Variants in PCDHGA4 observed in about 807,000 individuals in gnomAD.
PCDHGA4 encodes protocadherin gamma-A4.
A neutral mutation model predicts 54.6 loss-of-function variants in PCDHGA4; 38 were observed. The observed-to-expected ratio is 0.70, with a 90% CI of 0.54 to 0.91. The LOEUF is 0.91. PCDHGA4 is among the 40% of genes least tolerant of loss of function. PCDHGA4 has a pLI of 0.00. For synonymous variants in PCDHGA4, 511 were observed against 512.9 expected, an observed-to-expected ratio of 1.00 and a Z score of 0.05; for missense variants, 1,298 against 1,220.9, an observed-to-expected ratio of 1.06 and a Z score of -0.94.
intron 1 of PCDHGA4, chr5:141,414,145 C>T (rs1157390595): frequency 6.3e-7 from 1 of 1,597,566 alleles, no homozygotes; most frequent in Non-Finnish European, 8.5e-7. Context: ...AATAGAAATA[C>T]AAGCAGAAGA....
rs759346998 is a variant in PCDHGA4 at position 141,410,849 on chromosome 5, CTTTTT to C, written c.2514+53246_2514+53250del. On this transcript the variant is annotated intron_variant, in intron 1 of 3. Transcript: ENST00000571252. ...CAGACTGAAGATATTTTGTCTTTGT[CTTTTT>C]TTTTTTTTTTTTTTTTTGAGATGGA... 1.3e-3 allele frequency: 178 copies of C among 137,948 alleles called. 1 individual carries two copies. Among genetic ancestry groups the C allele is most frequent in the East Asian group, 2.3e-3 (10 of 4,422 alleles). 8.5% of individuals were successfully genotyped at this position (137,948 alleles called of 1,614,324 possible). A position where few individuals can be genotyped will look rare whatever the true frequency, so the allele number is the denominator to read the frequency against.
chr5:141,394,009 GTAA>G, intron 1 of PCDHGA4: 1 of 1,613,394 alleles, frequency 6.2e-7, no homozygotes, highest in Non-Finnish European at 8.5e-7. Flanking sequence ...AAGTCAATAG[GTAA>G]TTATTATAGA....
rs749252261 is a variant in PCDHGA4 at position 141,366,393 on chromosome 5, A to C, written c.2514+8772A>C. ...ACCCCCATTGACCCTGAGGATCTGG[A>C]CCTCACACTCTATCTTGTGGTGGCA... On this transcript the variant is annotated intron_variant, in intron 1 of 3. Transcript: ENST00000571252. 11 of 1,614,004 alleles carry C rather than the reference A, an allele frequency of 6.8e-6. 1 individual carries two copies. Among genetic ancestry groups the C allele is most frequent in the African/African-American group, 4.0e-5 (3 of 74,938 alleles).
Position 141,432,736 on chromosome 5 carries a change from G to T in PCDHGA4, c.2515-62071G>T. On this transcript the variant is annotated intron_variant, in intron 1 of 3. Transcript: ENST00000571252. The surrounding 1 kb of genome is among the most constrained non-coding windows in gnomAD (Gnocchi z 6.0). ...AGCCCCCTCTCTCCGCCACTGTCACGCTCACCGTGGCCGTGGCCGACAGCA... is the reference window on the plus strand; with the variant it reads ...AGCCCCCTCTCTCCGCCACTGTCACTCTCACCGTGGCCGTGGCCGACAGCA... The T allele has an allele frequency of 6.2e-7, 1 of 1,614,058 alleles. No individual in the cohort carries two copies. The highest frequency in any genetic ancestry group is 8.5e-7 in the Non-Finnish European group (1 of 1,179,980).
At chr5:141,468,668 C>T (rs993230755) in intron 1 of PCDHGA4, 1 of 149,910 alleles carries the variant, frequency 6.7e-6, no homozygotes, top group Admixed American at 6.7e-5. Context: ...AGATCAAGAC[C>T]ATCCTGGCTA....
At chr5:141,376,311 T>C (rs376213960) in intron 1 of PCDHGA4, 29 of 1,613,880 alleles carry the variant, frequency 1.8e-5, no homozygotes, top group Non-Finnish European at 2.4e-5. Flanking sequence ...TTTGTGGGCG[T>C]GGAAGGGGTT....
chr5:141,487,684 C>G lies in PCDHGA4; in HGVS notation c.2515-7123C>G. On this transcript the variant is annotated intron_variant, in intron 1 of 3. Coordinates refer to ENST00000571252, the MANE Select transcript of PCDHGA4 (RefSeq NM_018917.4). The surrounding 1 kb of genome is among the most constrained non-coding windows in gnomAD (Gnocchi z 5.0). ...ATCCAGGCATATGGCTAGGCCATGT[C>G]CTAGAGAGTACTGGCCTCTCAGTAA... is the stretch of plus-strand genomic sequence containing the variant. The G allele has an allele frequency of 6.2e-7, 1 of 1,607,562 alleles. No individual in the cohort carries two copies. Among genetic ancestry groups the G allele is most frequent in the East Asian group, 2.2e-5 (1 of 44,768 alleles).
chr5:141,473,048 A>T (rs1295750830), intron 1 of PCDHGA4, among the ~76,000 whole-genome samples: 4 of 151,992 alleles, frequency 2.6e-5, no homozygotes, highest in Non-Finnish European at 5.9e-5. Flanking sequence ...GAAAGAAAGA[A>T]GTGATACAAC....
At chr5:141,366,285 C>A in intron 1 of PCDHGA4, 1 of 1,613,710 alleles carries the variant, frequency 6.2e-7, no homozygotes, top group East Asian at 2.2e-5. Flanking sequence ...CATGGCCAGC[C>A]CCCTCTGTCA....
intron 1 of PCDHGA4, chr5:141,382,891 A>C (rs1428861059): frequency 6.5e-7 from 1 of 1,533,794 alleles, no homozygotes; most frequent in Non-Finnish European, 8.8e-7. Flanking sequence ...CAAGAGAAGC[A>C]GGACGACTAT....
At chr5:141,372,159 A>G in intron 1 of PCDHGA4, 1 of 1,613,708 alleles carries the variant, frequency 6.2e-7, no homozygotes, top group East Asian at 2.2e-5. Context: ...CTACCTGGTG[A>G]CCAAGGTGGT....
At chr5:141,400,856 A>G (rs1026499885) in intron 1 of PCDHGA4, among the ~76,000 whole-genome samples, 6 of 152,192 alleles carry the variant, frequency 3.9e-5, no homozygotes, top group Non-Finnish European at 8.8e-5. Context: ...ATTTTATTGT[A>G]TGTAGATAAA....
intron 1 of PCDHGA4, chr5:141,366,727 A>C: frequency 6.2e-7 from 1 of 1,613,036 alleles, no homozygotes; most frequent in Non-Finnish European, 8.5e-7. Context: ...AGGTAGATGC[A>C]AACAAAGAAG....
rs1160654712 is a variant in PCDHGA4, at chr5:141,360,146, G to A, written c.2514+2525G>A. Reference sequence around the variant, plus strand: ...AAAGGGAGCCAGAAGATGAAAGCGAGCTCAGGGAGGTGCGGGCTGGTGCGG... The same window carrying A: ...AAAGGGAGCCAGAAGATGAAAGCGAACTCAGGGAGGTGCGGGCTGGTGCGG... On this transcript the variant is annotated intron_variant, in intron 1 of 3. Coordinates refer to ENST00000571252, the MANE Select transcript of PCDHGA4 (RefSeq NM_018917.4). 12 of 1,600,736 alleles carry A rather than the reference G, an allele frequency of 7.5e-6. No homozygotes were observed. The East Asian group carries it at 1.4e-4, about 18-fold the overall frequency.
intron 1 of PCDHGA4, chr5:141,409,349 A>G: frequency 6.2e-7 from 1 of 1,614,030 alleles, no homozygotes. Context: ...TGGAGAAGTC[A>G]GGTGTAATAT....
At chr5:141,393,075 G>A in intron 1 of PCDHGA4, 1 of 1,613,702 alleles carries the variant, frequency 6.2e-7, no homozygotes, top group Non-Finnish European at 8.5e-7. Context: ...GATCACCGCG[G>A]GCAGGATAGA....
chr5:141,381,826 CTTTTT>C lies in PCDHGA4; in HGVS notation c.2514+24223_2514+24227del, dbSNP rs770630741. Among the ~76,000 whole-genome samples, 483 of 74,304 alleles carry C rather than the reference CTTTTT, an allele frequency of 6.5e-3. 2 individuals are homozygous for C. The highest frequency in any genetic ancestry group is 0.026 in the African/African-American group (418 of 16,208). 48.7% of individuals were successfully genotyped at this position (74,304 alleles called of 152,430 possible). On this transcript the variant is annotated intron_variant, in intron 1 of 3. Coordinates refer to ENST00000571252, the MANE Select transcript of PCDHGA4 (RefSeq NM_018917.4). ...TTTCTTTCTTTCTTTCTTTCTTCTT[CTTTTT>C]TTTTTTTTTTTTTTTTTGGCAGAGT...
At chr5:141,420,412 T>G in intron 1 of PCDHGA4, 1 of 1,225,004 alleles carries the variant, frequency 8.2e-7, no homozygotes, top group African/African-American at 1.6e-5. Flanking sequence ...TGGTTATCAT[T>G]ATTAAAACAA....
chr5:141,423,647 C>T (rs775169904), intron 1 of PCDHGA4: 3 of 1,589,144 alleles, frequency 1.9e-6, no homozygotes, highest in Non-Finnish European at 2.6e-6. Flanking sequence ...AAATGTGACC[C>T]GACAAGTAAT....
Sources: allele counts gnomAD v4.1 joint callset (sites outside exome capture counted in the v4.1 genomes callset), GRCh38; gene constraint gnomAD v4.1.1; non-coding constraint Gnocchi (gnomAD v3.1); transcripts MANE v1.5; gene names NCBI Gene and HGNC (gene_info 2026-07-23, HGNC 2026-07-21).